RASEF: variants seen among roughly 807,000 people sequenced by gnomAD.
The protein encoded by RASEF is ras and EF-hand domain-containing protein.
In RASEF, 68 loss-of-function variants were observed where a neutral mutation model predicts 90.1. The ratio of observed to expected loss-of-function variants is 0.75; its 90% CI spans 0.62 to 0.92. RASEF has a LOEUF of 0.92. RASEF is among the 40% of genes least tolerant of loss of function. The probability of loss-of-function intolerance (pLI) is 0.00; values close to 1 mark genes in which losing one functional copy is unlikely to be tolerated. For synonymous variants in RASEF, 331 were observed against 345.2 expected, an observed-to-expected ratio of 0.96 and a Z score of 0.46; for missense variants, 949 against 937.2, an observed-to-expected ratio of 1.01 and a Z score of -0.16.
intron 8 of RASEF, 99 bp downstream of exon 8, chr9:83,005,317 A>C (rs1829109129): frequency 1.2e-6 from 1 of 827,510 alleles, no homozygotes; most frequent in Non-Finnish European, 2.0e-6. Context: ...ATAAGGACTT[A>C]CTTGAGGCTC....
At chr9:83,188,796 G>A in the RASEF span, among the ~76,000 whole-genome samples, 1 of 152,160 alleles carries the variant, frequency 6.6e-6, no homozygotes, top group Admixed American at 6.5e-5. Flanking sequence ...CCTAACTTAA[G>A]ATTTTTAAAC....
At chr9:83,067,302 T>C (rs549451437), upstream of RASEF, among the ~76,000 whole-genome samples, 4 of 152,302 alleles carry the variant, frequency 2.6e-5, no homozygotes, top group East Asian at 7.7e-4. Context: ...AGTCTTAGTT[T>C]TCTCATGAAT....
rs908168377 is a variant in RASEF at position 82,981,002 on chromosome 9, A to AT, written c.*1674dup. The AT allele has an allele frequency of 6.6e-5, 10 of 152,148 alleles. No homozygotes were observed. The highest frequency in any genetic ancestry group is 1.9e-4 in the African/African-American group (8 of 41,428). 9.4% of individuals were successfully genotyped at this position (152,148 alleles called of 1,614,324 possible). ...GCCTGTAACTATCCGGTCAATTCCCATTTTTTCAAAAAACTGATGCTTGCG... is the reference window on the plus strand; with the variant it reads ...GCCTGTAACTATCCGGTCAATTCCCATTTTTTTCAAAAAACTGATGCTTGCG... On this transcript the variant is annotated 3_prime_UTR_variant, in exon 17 of 17. Coordinates refer to ENST00000376447, the MANE Select transcript of RASEF (RefSeq NM_152573.4).
At chr9:83,000,128 G>T (rs778068076) in intron 12 of RASEF, 41 bp downstream of exon 12, 1 of 1,586,164 alleles carries the variant, frequency 6.3e-7, no homozygotes, top group African/African-American at 1.4e-5. Flanking sequence ...TCAAGCTAAG[G>T]AAGGTCATTT....
At chr9:83,149,748 C>T in the RASEF span, among the ~76,000 whole-genome samples, 2 of 152,286 alleles carry the variant, frequency 1.3e-5, no homozygotes, top group South Asian at 2.1e-4. Flanking sequence ...AACAGCCAAC[C>T]GCAGCAGATT....
rs1490814619 is a variant in RASEF at position 82,981,060 on chromosome 9, A to T, written c.*1617T>A. 1 of 152,272 alleles carries T rather than the reference A, an allele frequency of 6.6e-6. No homozygotes were observed. Among genetic ancestry groups the T allele is most frequent in the African/African-American group, 2.4e-5 (1 of 41,472 alleles). 9.4% of individuals were successfully genotyped at this position (152,272 alleles called of 1,614,324 possible). ...AGGTTCTATCACAAACACCGTGAAC[A>T]GAAAAAAGATTGCTACATGGAATTG... is the stretch of plus-strand genomic sequence containing the variant. On this transcript the variant is annotated 3_prime_UTR_variant, in exon 17 of 17. Transcript: ENST00000376447.
At chr9:83,157,998 G>T in the RASEF span, among the ~76,000 whole-genome samples, 3 of 152,058 alleles carry the variant, frequency 2.0e-5, no homozygotes, top group Non-Finnish European at 4.4e-5. Context: ...ACTACAAAAG[G>T]TAGATTTAAA....
chr9:83,096,325 C>G, the RASEF span, among the ~76,000 whole-genome samples: 2 of 151,974 alleles, frequency 1.3e-5, no homozygotes, highest in Non-Finnish European at 2.9e-5. Context: ...TTTTATGATC[C>G]TAACAGTGAT....
chr9:83,158,633 T>TATATGTAC, the RASEF span, among the ~76,000 whole-genome samples: 1 of 115,582 alleles, frequency 8.7e-6, no homozygotes, highest in African/African-American at 3.5e-5. Context: ...TACATATGTA[T>TATATGTAC]ATATGTATAT....
At chr9:83,142,541 A>G in the RASEF span, among the ~76,000 whole-genome samples, 8 of 152,374 alleles carry the variant, frequency 5.3e-5, no homozygotes, top group South Asian at 1.0e-3. Flanking sequence ...GGCAAGTAAC[A>G]TCAATGAAGT....
At chr9:83,177,882 T>C in the RASEF span, among the ~76,000 whole-genome samples, 1 of 152,112 alleles carries the variant, frequency 6.6e-6, no homozygotes, top group Non-Finnish European at 1.5e-5. Context: ...CCTCTTCTTC[T>C]AGCACTCCCA....
At position 83,062,966 on chromosome 9, in the gene RASEF, C is replaced by A; in HGVS notation, c.-99G>T. 1.6e-6 allele frequency: 2 copies of A among 1,270,730 alleles called. No individual in the cohort carries two copies. The highest frequency in any genetic ancestry group is 1.9e-5 in the South Asian group (1 of 53,874). 78.7% of individuals were successfully genotyped at this position (1,270,730 alleles called of 1,614,324 possible). A position where few individuals can be genotyped will look rare whatever the true frequency, so the allele number is the denominator to read the frequency against. On this transcript the variant is annotated 5_prime_UTR_variant, in exon 1 of 17. Transcript: ENST00000376447. ...CACCTGCTGCCGCCGGGAGGCCCGGCGAGTTTGGCTCGTCCGGCTGGTTCG... is the reference window on the plus strand; with the variant it reads ...CACCTGCTGCCGCCGGGAGGCCCGGAGAGTTTGGCTCGTCCGGCTGGTTCG...
chr9:83,144,352 A>AAAGG, the RASEF span, among the ~76,000 whole-genome samples: 1 of 123,964 alleles, frequency 8.1e-6, no homozygotes, highest in Non-Finnish European at 1.7e-5. Flanking sequence ...AGAAAGAAAG[A>AAAGG]AAGAAAGAAA....
chr9:82,993,058 T>G, intron 14 of RASEF, 33 bp from the exon 15 acceptor site: 1 of 1,607,372 alleles, frequency 6.2e-7, no homozygotes, highest in Non-Finnish European at 8.5e-7. Flanking sequence ...GGGGCACACA[T>G]CAAACACTGG....
In RASEF at chr9:83,062,638, C is replaced by G. The variant is rs1048870328; in HGVS notation, c.230G>C (p.Gly77Ala). The G allele has an allele frequency of 1.3e-6, 2 of 1,555,606 alleles. No individual in the cohort carries two copies. The highest frequency in any genetic ancestry group is 1.9e-5 in the Admixed American group (1 of 53,256). The change falls in exon 1 of 17, where the codon GGG (glycine) becomes GCG (alanine). Residue 77 changes from glycine to alanine, a missense_variant. Gly to Ala is a moderately conservative substitution (Grantham distance 60, BLOSUM62 0). Coordinates refer to ENST00000376447, the MANE Select transcript of RASEF (RefSeq NM_152573.4). Reference sequence around the variant, plus strand: ...AGGACCCCAGTCCCGGCGCCGCCCCCCGCGGAGGGACCCGAGGAAGCCACG... The same window carrying G: ...AGGACCCCAGTCCCGGCGCCGCCCCGCGCGGAGGGACCCGAGGAAGCCACG... ...FARGFLGSLR[G>A]GRRRDWGPLD...
intron 16 of RASEF, among the ~76,000 whole-genome samples, chr9:82,985,000 C>A (rs1008328381): frequency 8.5e-5 from 13 of 152,070 alleles, no homozygotes; most frequent in Non-Finnish European, 1.9e-4. Context: ...TTTGAAAGAA[C>A]AGAAAAGGAG....
Position 83,049,712 on chromosome 9 carries a change from C to T in RASEF, c.431+12725G>A, listed in dbSNP as rs537023659. On this transcript the variant is annotated intron_variant, in intron 1 of 16. Transcript: ENST00000376447. ...CCCCCTCCCCCGACCCCACCACAGTCCCCAGAGTGTGATATTCCCCTTCCT... is the reference window on the plus strand; with the variant it reads ...CCCCCTCCCCCGACCCCACCACAGTTCCCAGAGTGTGATATTCCCCTTCCT... Among the ~76,000 whole-genome samples, 411 of 122,944 alleles carry T rather than the reference C, an allele frequency of 3.3e-3. 4 individuals carry two copies. The highest frequency in any genetic ancestry group is 0.012 in the African/African-American group (367 of 29,864). The allele number at this position is 122,944 out of a possible 152,430, so 80.7% of individuals were successfully genotyped here. A position where few individuals can be genotyped will look rare whatever the true frequency, so the allele number is the denominator to read the frequency against.
At chr9:83,187,483 G>A in the RASEF span, among the ~76,000 whole-genome samples, 1 of 152,096 alleles carries the variant, frequency 6.6e-6, no homozygotes, top group South Asian at 2.1e-4. Flanking sequence ...CAGTGACCTT[G>A]ATGATAAAAG....
At chr9:83,068,247 G>T in the RASEF span, among the ~76,000 whole-genome samples, 1 of 152,252 alleles carries the variant, frequency 6.6e-6, no homozygotes, top group East Asian at 1.9e-4. Context: ...TTCACTTTTG[G>T]ACAGCAGAAA....
Sources: gnomAD v4.1 joint callset for allele counts (sites outside exome capture counted in the v4.1 genomes callset) on GRCh38, gnomAD v4.1.1 for gene constraint, MANE v1.5 for transcripts, NCBI Gene and HGNC (gene_info 2026-07-23, HGNC 2026-07-21) for gene names.